RBFOX1: variants seen among roughly 807,000 people sequenced by gnomAD.
RBFOX1 encodes RNA binding protein fox-1 homolog 1.
Under a neutral mutation model 57.7 loss-of-function variants are expected in RBFOX1, and 8 were observed. That is an observed-to-expected ratio of 0.14 (90% CI 0.08 to 0.25). The LOEUF (loss-of-function observed/expected upper bound fraction) is 0.25, where lower values mean the gene tolerates loss of function less well. RBFOX1 is among the 10% of genes least tolerant of loss of function. The pLI, the probability that RBFOX1 is intolerant of heterozygous loss-of-function variation, is 1.00. For synonymous variants in RBFOX1, 326 were observed against 222.4 expected, an observed-to-expected ratio of 1.47 and a Z score of -4.15; for missense variants, 611 against 548.5, an observed-to-expected ratio of 1.11 and a Z score of -1.14.
chr16:7,592,446 G>T (rs1409036961), intron 7 of RBFOX1, among the ~76,000 whole-genome samples: 1 of 152,152 alleles, frequency 6.6e-6, no homozygotes, highest in Non-Finnish European at 1.5e-5. Flanking sequence ...GTATAATGTT[G>T]GACAGGAGGG....
At position 5,267,172 on chromosome 16, in the gene RBFOX1, C is replaced by G. The variant is rs1346171897; in HGVS notation, c.219+27067C>G. ...CAGAGGCAGCAAAGCAAGTGGAAGCCCAAAGCATTGAGCTTTCCAAATGGA... is the reference window on the plus strand; with the variant it reads ...CAGAGGCAGCAAAGCAAGTGGAAGCGCAAAGCATTGAGCTTTCCAAATGGA... On this transcript the variant is annotated intron_variant, in intron 1 of 2. Transcript: ENST00000585867. 2.6e-5 allele frequency among the ~76,000 whole-genome samples: 4 copies of G among 152,186 alleles called. 1 individual carries two copies. The South Asian group carries it at 6.2e-4, about 24-fold the overall frequency.
At chr16:5,420,154 G>C (rs2067273500) in intron 1 of RBFOX1, among the ~76,000 whole-genome samples, 1 of 152,170 alleles carries the variant, frequency 6.6e-6, no homozygotes, top group South Asian at 2.1e-4. Context: ...ACTGGGCCTG[G>C]TCTGACCAGA....
At chr16:7,695,153 T>G (rs147889618) in intron 14 of RBFOX1, among the ~76,000 whole-genome samples, 1 of 152,172 alleles carries the variant, frequency 6.6e-6, no homozygotes, top group African/African-American at 2.4e-5. Flanking sequence ...TTGAGAGAGA[T>G]ATCCCTAGTC....
intron 4 of RBFOX1, among the ~76,000 whole-genome samples, chr16:7,232,337 T>C (rs2093548701): frequency 6.6e-6 from 1 of 152,160 alleles, no homozygotes; most frequent in Admixed American, 6.5e-5. Flanking sequence ...GATATATAAC[T>C]TGCTTGAGCT....
intron 13 of RBFOX1, among the ~76,000 whole-genome samples, chr16:7,669,921 G>C (rs1189853735): frequency 2.0e-5 from 3 of 152,156 alleles, no homozygotes; most frequent in Admixed American, 6.5e-5. Context: ...GGCGAATGCT[G>C]TGTTTGCAAT....
intron 3 of RBFOX1, among the ~76,000 whole-genome samples, chr16:6,910,805 T>G (rs906271544): frequency 6.6e-6 from 1 of 152,200 alleles, no homozygotes; most frequent in African/African-American, 2.4e-5. Flanking sequence ...GAAGGTTGTT[T>G]CCTTTTCAGT....
intron 3 of RBFOX1, among the ~76,000 whole-genome samples, chr16:7,012,169 A>G (rs1286590190): frequency 6.6e-6 from 1 of 152,192 alleles, no homozygotes; most frequent in Non-Finnish European, 1.5e-5. Flanking sequence ...ACTATCATTT[A>G]TTGACCATCA....
At chr16:6,060,920 A>G (rs2095677252) in intron 1 of RBFOX1, among the ~76,000 whole-genome samples, 1 of 152,144 alleles carries the variant, frequency 6.6e-6, no homozygotes, top group African/African-American at 2.4e-5. Context: ...TCTTTCCCAC[A>G]TATGGCACAT....
chr16:7,069,775 A>G (rs1256239323), intron 4 of RBFOX1, among the ~76,000 whole-genome samples: 1 of 152,136 alleles, frequency 6.6e-6, no homozygotes, highest in African/African-American at 2.4e-5. Context: ...CCAGTTGCCC[A>G]TAGTGGGCAC....
chr16:7,155,745 A>C (rs74932416), intron 4 of RBFOX1, among the ~76,000 whole-genome samples: 1 of 139,804 alleles, frequency 7.2e-6, no homozygotes, highest in African/African-American at 2.8e-5. Context: ...ATATACACAC[A>C]CACACACACA....
intron 14 of RBFOX1, among the ~76,000 whole-genome samples, chr16:7,683,114 T>C (rs1037556798): frequency 7.0e-6 from 1 of 141,904 alleles, no homozygotes; most frequent in African/African-American, 2.6e-5. Flanking sequence ...TATTTCCTCC[T>C]GATCTGCTCT....
intron 1 of RBFOX1, among the ~76,000 whole-genome samples, chr16:6,210,345 C>CAAACAAAAAA (rs2097285887): frequency 3.8e-5 from 1 of 26,020 alleles, no homozygotes; most frequent in Non-Finnish European, 6.6e-5. Flanking sequence ...AACAAAAAAA[C>CAAACAAAAAA]AAAAAAAAAA....
intron 2 of RBFOX1, among the ~76,000 whole-genome samples, chr16:6,562,868 C>CTTTT (rs1567693795): frequency 9.9e-5 from 5 of 50,330 alleles, no homozygotes; most frequent in Admixed American, 2.0e-4. Flanking sequence ...TTCTTTCTTT[C>CTTTT]TTTCTTTCTT....
chr16:6,162,101 A>C lies in RBFOX1; in HGVS notation c.-127+142109A>C, dbSNP rs985678651. ...ATTCACACAATGCAGATTTCCAAAG[A>C]ACAGGATTTCTGTATTTTTAATTGT... On this transcript the variant is annotated intron_variant, in intron 1 of 15. Coordinates refer to ENST00000550418, the MANE Select transcript of RBFOX1 (RefSeq NM_018723.4). 4.6e-5 allele frequency among the ~76,000 whole-genome samples: 7 copies of C among 152,192 alleles called. No individual in the cohort carries two copies. The East Asian group carries it at 1.3e-3, about 29-fold the overall frequency.
intron 4 of RBFOX1, among the ~76,000 whole-genome samples, chr16:7,433,268 G>A (rs2098696493): frequency 6.6e-6 from 1 of 152,206 alleles, no homozygotes. Flanking sequence ...CAGAGACGGT[G>A]AGTAAGGGTC....
chr16:6,872,811 TG>T (rs1394213790), intron 3 of RBFOX1, among the ~76,000 whole-genome samples: 1 of 152,176 alleles, frequency 6.6e-6, no homozygotes, highest in East Asian at 1.9e-4. Context: ...TCGAACAAAA[TG>T]GTTAAATTCT....
At chr16:7,250,617 C>G (rs962732163) in intron 4 of RBFOX1, among the ~76,000 whole-genome samples, 1 of 152,200 alleles carries the variant, frequency 6.6e-6, no homozygotes, top group African/African-American at 2.4e-5. Flanking sequence ...ACTATGTACA[C>G]AGCAGACACT....
intron 2 of RBFOX1, among the ~76,000 whole-genome samples, chr16:6,592,012 C>G (rs1281381106): frequency 6.6e-6 from 1 of 152,056 alleles, no homozygotes; most frequent in Non-Finnish European, 1.5e-5. Flanking sequence ...ATTATTTAAT[C>G]ATATAGTTGT....
chr16:6,130,216 G>C (rs2096620064), intron 1 of RBFOX1, among the ~76,000 whole-genome samples: 13 of 152,054 alleles, frequency 8.5e-5, no homozygotes, highest in Admixed American at 8.5e-4. Context: ...TCTTGGGTTT[G>C]TTAAGTATAC....
Sources: gnomAD v4.1 joint callset for allele counts (sites outside exome capture counted in the v4.1 genomes callset) on GRCh38, gnomAD v4.1.1 for gene constraint, MANE v1.5 for transcripts, NCBI Gene and HGNC (gene_info 2026-07-23, HGNC 2026-07-21) for gene names.